The following PLXDC1 variants were observed in gnomAD, a reference collection of about 807,000 sequenced individuals.
The protein encoded by PLXDC1 is plexin domain-containing protein 1.
Under a neutral mutation model 61.3 loss-of-function variants are expected in PLXDC1, and 39 were observed. The observed-to-expected ratio is 0.64, with a 90% CI of 0.49 to 0.83. The LOEUF (loss-of-function observed/expected upper bound fraction) is 0.83, where lower values mean the gene tolerates loss of function less well. Ranked by LOEUF, PLXDC1 falls within the 40% of genes least tolerant of loss-of-function variation. The pLI is 0.00. For synonymous variants in PLXDC1, 212 were observed against 254.5 expected (o/e 0.83, Z 1.59); for missense variants, 596 against 666.5 (o/e 0.89, Z 1.17).
chr17:39,120,606 G>GT (rs34244449), intron 2 of PLXDC1, among the ~76,000 whole-genome samples: 32,353 of 132,468 alleles, frequency 0.24, 5,750 homozygotes, highest in East Asian at 0.47. Flanking sequence ...TTTATTTTAG[G>GT]TTTTTTTTTT....
chr17:39,152,770 TA>T (rs34433195), upstream of PLXDC1: 125,466 of 620,852 alleles, frequency 0.2, 110 homozygotes, highest in East Asian at 0.24. Flanking sequence ...GCACTGAGGT[TA>T]AAAAAAAAAA....
chr17:39,082,447 C>T (rs1909596176), intron 9 of PLXDC1, among the ~76,000 whole-genome samples: 1 of 151,928 alleles, frequency 6.6e-6, no homozygotes, highest in Admixed American at 6.6e-5. Context: ...TGCCTGTAAT[C>T]CTAGCTACTC....
chr17:39,136,132 C>T (rs1911745571), intron 2 of PLXDC1, among the ~76,000 whole-genome samples: 1 of 152,196 alleles, frequency 6.6e-6, no homozygotes, highest in South Asian at 2.1e-4. Flanking sequence ...CTCTCCTACT[C>T]TGTCCTTCCA....
chr17:39,134,689 C>CT (rs1291086700), intron 2 of PLXDC1, among the ~76,000 whole-genome samples: 3 of 151,738 alleles, frequency 2.0e-5, no homozygotes, highest in African/African-American at 7.3e-5. Context: ...ACAACCACAT[C>CT]TAGAACCTTC....
At chr17:39,109,061 G>C in intron 3 of PLXDC1, 88 bp from the exon 4 acceptor site, 1 of 1,291,806 alleles carries the variant, frequency 7.7e-7, no homozygotes, top group Non-Finnish European at 1.1e-6. Flanking sequence ...TTTGGACAGA[G>C]TGGGGAGCAG....
intron 1 of PLXDC1, among the ~76,000 whole-genome samples, chr17:39,144,145 G>T (rs1466774980): frequency 1.3e-5 from 2 of 152,146 alleles, no homozygotes; most frequent in African/African-American, 4.8e-5. Flanking sequence ...CAGGGAGGGG[G>T]CCCAGCTGGG....
chr17:39,146,782 G>A (rs2045345042), intron 1 of PLXDC1, among the ~76,000 whole-genome samples: 2 of 151,302 alleles, frequency 1.3e-5, no homozygotes, highest in South Asian at 4.2e-4. Flanking sequence ...CTTGAGCCCA[G>A]GAAGTTGAGG....
intron 9 of PLXDC1, among the ~76,000 whole-genome samples, chr17:39,082,452 C>A (rs779306995): frequency 6.6e-6 from 1 of 151,906 alleles, no homozygotes; most frequent in Non-Finnish European, 1.5e-5. Flanking sequence ...GTAATCCTAG[C>A]TACTCAAGAG....
intron 11 of PLXDC1, among the ~76,000 whole-genome samples, chr17:39,074,062 A>G (rs1476473730): frequency 6.6e-6 from 1 of 151,946 alleles, no homozygotes. Flanking sequence ...TAGAGCCTGT[A>G]CCCTCATAGA....
At chr17:39,109,578 C>T (rs1208066961) in intron 2 of PLXDC1, among the ~76,000 whole-genome samples, 187 bp from the exon 3 acceptor site, 1 of 152,198 alleles carries the variant, frequency 6.6e-6, no homozygotes, top group Non-Finnish European at 1.5e-5. Context: ...CCCCAGACAG[C>T]TCACTAGCTG....
At chr17:39,118,391 CAG>C (rs902884967) in intron 2 of PLXDC1, among the ~76,000 whole-genome samples, 2 of 151,820 alleles carry the variant, frequency 1.3e-5, no homozygotes, top group African/African-American at 2.4e-5. Flanking sequence ...TTAATAGAGA[CAG>C]GGGTTTTACC....
At chr17:39,077,773 G>A in intron 11 of PLXDC1, 140 bp downstream of exon 11, 1 of 733,184 alleles carries the variant, frequency 1.4e-6, no homozygotes, top group Admixed American at 2.9e-5. Context: ...CTGAACTTCA[G>A]GCCCCCTTAG....
intron 9 of PLXDC1, among the ~76,000 whole-genome samples, chr17:39,081,799 C>T (rs761710187): frequency 3.3e-5 from 5 of 151,856 alleles, no homozygotes; most frequent in African/African-American, 4.8e-5. Flanking sequence ...GAAAAATGGC[C>T]GGGTGTGGTG....
intron 7 of PLXDC1, among the ~76,000 whole-genome samples, chr17:39,104,339 C>T (rs1014128814): frequency 6.6e-6 from 1 of 152,128 alleles, no homozygotes; most frequent in Non-Finnish European, 1.5e-5. Context: ...GCTTCCAGTT[C>T]CAGAGCTGAG....
intron 10 of PLXDC1, among the ~76,000 whole-genome samples, 164 bp downstream of exon 10, chr17:39,078,940 G>A (rs3744077): frequency 0.28 from 43,012 of 152,158 alleles, 6,683 homozygotes; most frequent in East Asian, 0.43. Flanking sequence ...AAGTGGGTCT[G>A]ATTGGCTCAA....
intron 2 of PLXDC1, among the ~76,000 whole-genome samples, chr17:39,136,879 A>C (rs1209303169): frequency 6.6e-6 from 1 of 152,238 alleles, no homozygotes; most frequent in Non-Finnish European, 1.5e-5. Flanking sequence ...AATAAACAAC[A>C]AAAAATGCAA....
Position 39,066,285 on chromosome 17 carries a change from C to T in PLXDC1, c.*1555G>A, listed in dbSNP as rs1567750559. The T allele has an allele frequency of 6.6e-6, 1 of 152,266 alleles. No homozygotes were observed. The highest frequency in any genetic ancestry group is 2.4e-5 in the African/African-American group (1 of 41,458). 9.4% of individuals were successfully genotyped at this position (152,266 alleles called of 1,614,324 possible). Reference sequence around the variant, plus strand: ...TAAATGTGGCTGCGCATAGCAAGCTCACCCAGGGAAGGCTGGGCTGCAGGT... The same window carrying T: ...TAAATGTGGCTGCGCATAGCAAGCTTACCCAGGGAAGGCTGGGCTGCAGGT... On this transcript the variant is annotated 3_prime_UTR_variant, in exon 14 of 14. Transcript: ENST00000315392.
At chr17:39,103,343 C>T (rs559476417) in intron 7 of PLXDC1, among the ~76,000 whole-genome samples, 2 of 151,990 alleles carry the variant, frequency 1.3e-5, no homozygotes, top group South Asian at 4.1e-4. Flanking sequence ...TGAGACCACC[C>T]CAGGCAACAT....
rs112839506 is a variant in PLXDC1 at position 39,067,609 on chromosome 17, C to T, written c.*231G>A. 2.6e-3 allele frequency: 1,206 copies of T among 465,948 alleles called. 15 individuals are homozygous for T. The highest frequency in any genetic ancestry group is 0.021 in the African/African-American group (1,106 of 51,776). 28.9% of individuals were successfully genotyped at this position (465,948 alleles called of 1,614,324 possible). On this transcript the variant is annotated 3_prime_UTR_variant, in exon 14 of 14. Coordinates refer to ENST00000315392, the MANE Select transcript of PLXDC1 (RefSeq NM_020405.5). The stretch of plus-strand genomic sequence containing the variant: ...ACAGAAGAGAACCCTTGCATCAAAA[C>T]AGGATGAGATTAGGTTGTTGTTCCT...
Sources: gnomAD v4.1 joint callset for allele counts (sites outside exome capture counted in the v4.1 genomes callset) on GRCh38, gnomAD v4.1.1 for gene constraint, MANE v1.5 for transcripts, NCBI Gene and HGNC (gene_info 2026-07-23, HGNC 2026-07-21) for gene names.